The following STAG1 variants were observed in gnomAD, a reference collection of about 807,000 sequenced individuals.
STAG1 encodes cohesin subunit SA-1.
A neutral mutation model predicts 170.9 loss-of-function variants in STAG1; 26 were observed. The ratio of observed to expected loss-of-function variants is 0.15; its 90% CI spans 0.11 to 0.21. The LOEUF (loss-of-function observed/expected upper bound fraction) is 0.21, where lower values mean the gene tolerates loss of function less well. Among genes scored for constraint, STAG1 ranks in the 10% least tolerant of loss-of-function variants. The pLI is 1.00. For synonymous variants in STAG1, 514 were observed against 497.7 expected (o/e 1.03, Z -0.44); for missense variants, 964 against 1,509.5 (o/e 0.64, Z 5.99).
intron 25 of STAG1, among the ~76,000 whole-genome samples, chr3:136,364,643 A>C (rs1425131787): frequency 6.6e-6 from 1 of 152,210 alleles, no homozygotes; most frequent in Non-Finnish European, 1.5e-5. Flanking sequence ...AAAGTAAAAC[A>C]CAGACATCTT....
chr3:136,341,262 C>G (rs1015655137), intron 31 of STAG1, among the ~76,000 whole-genome samples, 179 bp downstream of exon 31: 12 of 152,222 alleles, frequency 7.9e-5, no homozygotes, highest in Non-Finnish European at 1.5e-4. Flanking sequence ...AGTGGCAGAG[C>G]TAGGATTTAA....
At chr3:136,499,482 A>G (rs1261207347) in intron 9 of STAG1, among the ~76,000 whole-genome samples, 1 of 152,160 alleles carries the variant, frequency 6.6e-6, no homozygotes, top group Non-Finnish European at 1.5e-5. Flanking sequence ...AATTAGCCAA[A>G]TATACTCTCA....
intron 9 of STAG1, among the ~76,000 whole-genome samples, chr3:136,486,376 T>C (rs2090012307): frequency 1.3e-5 from 2 of 152,224 alleles, no homozygotes; most frequent in African/African-American, 4.8e-5. Flanking sequence ...TTTGTATACT[T>C]TGTTTTCTAC....
At chr3:136,715,002 T>TAAA (rs1292762102) in intron 1 of STAG1, among the ~76,000 whole-genome samples, 3 of 111,128 alleles carry the variant, frequency 2.7e-5, no homozygotes, top group African/African-American at 8.8e-5. Flanking sequence ...TTTATATATA[T>TAAA]AATATATATA....
chr3:136,693,389 AAAAG>A, intron 1 of STAG1, among the ~76,000 whole-genome samples: 1 of 152,184 alleles, frequency 6.6e-6, no homozygotes, highest in Non-Finnish European at 1.5e-5. Flanking sequence ...TGAGGTGATT[AAAAG>A]AAAGGACTGG....
intron 21 of STAG1, among the ~76,000 whole-genome samples, chr3:136,416,480 A>C (rs1302547545): frequency 5.9e-5 from 9 of 152,250 alleles, no homozygotes; most frequent in Admixed American, 5.9e-4. Flanking sequence ...TGGTATAGTA[A>C]GTCTAAAAAT....
intron 3 of STAG1, among the ~76,000 whole-genome samples, chr3:136,607,807 G>A (rs1211679958): frequency 6.6e-6 from 1 of 152,242 alleles, no homozygotes; most frequent in Non-Finnish European, 1.5e-5. Flanking sequence ...ACATCATTCT[G>A]TGTGGTTTTT....
At chr3:136,673,317 G>GTAT (rs1942033707) in intron 1 of STAG1, among the ~76,000 whole-genome samples, 1 of 152,132 alleles carries the variant, frequency 6.6e-6, no homozygotes. Flanking sequence ...ACAATTCTTA[G>GTAT]TTATAGTTTG....
intron 1 of STAG1, among the ~76,000 whole-genome samples, chr3:136,641,464 T>C (rs568733771): frequency 3.9e-5 from 6 of 152,318 alleles, no homozygotes; most frequent in African/African-American, 1.2e-4. Context: ...GTGAGACATA[T>C]TAACAGGGGC....
At chr3:136,450,352 T>C (rs79802798) in intron 14 of STAG1, among the ~76,000 whole-genome samples, 1,876 of 152,290 alleles carry the variant, frequency 0.012, 38 homozygotes, top group African/African-American at 0.043. Context: ...CTCAGGTAAT[T>C]TGCATACACA....
At chr3:136,376,008 A>ATAAATAAATAAT (rs1360664834) in intron 23 of STAG1, among the ~76,000 whole-genome samples, 19 of 133,294 alleles carry the variant, frequency 1.4e-4, no homozygotes, top group African/African-American at 5.2e-4. Context: ...AAATAAATAA[A>ATAAATAAATAAT]TAATTAACAA....
At chr3:136,588,741 C>T (rs1370321566) in intron 4 of STAG1, among the ~76,000 whole-genome samples, 1 of 151,806 alleles carries the variant, frequency 6.6e-6, no homozygotes, top group African/African-American at 2.4e-5. Flanking sequence ...GATTCTGCTG[C>T]CCAGCCTATT....
At chr3:136,741,498 T>C (rs2107951572) in intron 1 of STAG1, among the ~76,000 whole-genome samples, 1 of 152,320 alleles carries the variant, frequency 6.6e-6, no homozygotes, top group East Asian at 1.9e-4. Flanking sequence ...GATGGAGTTT[T>C]GCTCTTGTTG....
At chr3:136,411,114 A>G (rs1286398617) in intron 21 of STAG1, among the ~76,000 whole-genome samples, 2 of 152,204 alleles carry the variant, frequency 1.3e-5, no homozygotes, top group Non-Finnish European at 2.9e-5. Flanking sequence ...TGAGAGGCCC[A>G]AAGTTAGTGA....
intron 3 of STAG1, among the ~76,000 whole-genome samples, chr3:136,615,062 C>T (rs961440358): frequency 6.6e-6 from 1 of 151,620 alleles, no homozygotes; most frequent in African/African-American, 2.4e-5. Context: ...ATTTTTAGTA[C>T]CGAGAAGCAG....
chr3:136,439,030 T>C (rs2107755429), intron 15 of STAG1, among the ~76,000 whole-genome samples: 1 of 151,802 alleles, frequency 6.6e-6, no homozygotes, highest in South Asian at 2.1e-4. Context: ...AACCGATCTC[T>C]ACTAAAAATA....
intron 5 of STAG1, among the ~76,000 whole-genome samples, chr3:136,561,222 T>C (rs758470876): frequency 5.9e-5 from 9 of 152,230 alleles, no homozygotes; most frequent in East Asian, 3.8e-4. Flanking sequence ...GTCTCCATCT[T>C]ACAAATTTTT....
intron 1 of STAG1, among the ~76,000 whole-genome samples, chr3:136,704,093 C>A (rs1008040431): frequency 6.7e-6 from 1 of 148,294 alleles, no homozygotes; most frequent in African/African-American, 2.5e-5. Flanking sequence ...CTCTGTCGCC[C>A]AGGCTGGAGT....
chr3:136,468,886 G>C (rs200936657), intron 12 of STAG1, among the ~76,000 whole-genome samples: 23 of 151,876 alleles, frequency 1.5e-4, no homozygotes, highest in African/African-American at 3.4e-4. Context: ...AGACAAAAAC[G>C]ACATGATTAT....
Sources: gnomAD v4.1 joint callset for allele counts (sites outside exome capture counted in the v4.1 genomes callset) on GRCh38, gnomAD v4.1.1 for gene constraint, MANE v1.5 for transcripts, NCBI Gene and HGNC (gene_info 2026-07-23, HGNC 2026-07-21) for gene names.